GALM: variants seen among roughly 807,000 people sequenced by gnomAD.
GALM encodes the protein galactose mutarotase.
Under a neutral mutation model 37.4 loss-of-function variants are expected in GALM, and 43 were observed. The ratio of observed to expected loss-of-function variants is 1.15; its 90% confidence interval spans 0.90 to 1.48. The LOEUF is 1.48. Among genes scored for constraint, GALM ranks in the 40% most tolerant of loss-of-function variants. The pLI, the probability that GALM is intolerant of heterozygous loss-of-function variation, is 0.00. For missense variants in GALM, 456 were observed against 419.1 expected, an observed-to-expected ratio of 1.09 and a Z score of -0.77; for synonymous variants, 199 against 170.6, an observed-to-expected ratio of 1.17 and a Z score of -1.30.
At chr2:38,726,447 C>T (rs1483043327) in intron 4 of GALM, among the ~76,000 whole-genome samples, 2 of 151,274 alleles carry the variant, frequency 1.3e-5, no homozygotes, top group Non-Finnish European at 2.9e-5. Context: ...GGGATGGTCT[C>T]GATCTCCTGA....
intron 4 of GALM, among the ~76,000 whole-genome samples, chr2:38,705,136 C>G (rs1258680016): frequency 1.3e-5 from 2 of 152,180 alleles, no homozygotes; most frequent in Non-Finnish European, 2.9e-5. Flanking sequence ...AGAGCTCTGA[C>G]CACCACCCTT....
At chr2:38,677,098 C>T (rs2148427518) in intron 2 of GALM, among the ~76,000 whole-genome samples, 1 of 152,360 alleles carries the variant, frequency 6.6e-6, no homozygotes, top group South Asian at 2.1e-4. Flanking sequence ...GATCGAACAG[C>T]TTCTCCCTGG....
intron 4 of GALM, among the ~76,000 whole-genome samples, chr2:38,713,056 C>T (rs1335388688): frequency 6.6e-6 from 1 of 152,146 alleles, no homozygotes; most frequent in Non-Finnish European, 1.5e-5. Context: ...CCCTAGTGCC[C>T]TTCTTGGCTT....
intron 2 of GALM, among the ~76,000 whole-genome samples, chr2:38,678,042 G>A (rs1665303083): frequency 6.8e-6 from 1 of 148,056 alleles, no homozygotes; most frequent in Admixed American, 6.8e-5. Context: ...TTGAGGCAGA[G>A]TTTTGCTTTC....
At chr2:38,716,256 G>A (rs1299787085) in intron 4 of GALM, among the ~76,000 whole-genome samples, 2 of 152,132 alleles carry the variant, frequency 1.3e-5, no homozygotes, top group Admixed American at 6.5e-5. Flanking sequence ...TGCGCCTTTC[G>A]CGTGTCAGAT....
chr2:38,732,247 G>T (rs909405376), intron 6 of GALM, among the ~76,000 whole-genome samples: 1 of 152,160 alleles, frequency 6.6e-6, no homozygotes, highest in Non-Finnish European at 1.5e-5. Context: ...AGTAGAGACA[G>T]GGTTCCACCA....
At chr2:38,681,163 G>C (rs1665384867) in intron 2 of GALM, 117 bp from the exon 3 acceptor site, 2 of 847,844 alleles carry the variant, frequency 2.4e-6, no homozygotes, top group Non-Finnish European at 3.9e-6. Context: ...TCATTAAAAA[G>C]TCTTAATTGA....
chr2:38,674,477 C>G (rs759684404), intron 1 of GALM, among the ~76,000 whole-genome samples: 1 of 152,016 alleles, frequency 6.6e-6, no homozygotes, highest in Admixed American at 6.6e-5. Context: ...CGTGAGCCAC[C>G]GCGCCTGGAC....
chr2:38,701,313 C>A (rs1251930761), intron 4 of GALM, among the ~76,000 whole-genome samples: 1 of 152,044 alleles, frequency 6.6e-6, no homozygotes, highest in Non-Finnish European at 1.5e-5. Context: ...AAGGATGTGT[C>A]TTTAAAGGCA....
At chr2:38,708,140 AAT>A (rs1217340701) in intron 4 of GALM, among the ~76,000 whole-genome samples, 14 of 150,462 alleles carry the variant, frequency 9.3e-5, no homozygotes, top group African/African-American at 3.2e-4. Flanking sequence ...AATAAAATAA[AAT>A]AAAATAAAAA....
chr2:38,698,150 C>A (rs1665848439), intron 4 of GALM, among the ~76,000 whole-genome samples: 1 of 151,986 alleles, frequency 6.6e-6, no homozygotes, highest in African/African-American at 2.4e-5. Flanking sequence ...CACCATATTG[C>A]CCAGGCTGGT....
At chr2:38,691,014 T>C (rs1374001410) in intron 4 of GALM, among the ~76,000 whole-genome samples, 3 of 152,196 alleles carry the variant, frequency 2.0e-5, no homozygotes, top group Non-Finnish European at 4.4e-5. Flanking sequence ...TGTCATCTTG[T>C]GATATTTACA....
At chr2:38,707,360 A>G (rs1474280326) in intron 4 of GALM, among the ~76,000 whole-genome samples, 1 of 151,970 alleles carries the variant, frequency 6.6e-6, no homozygotes, top group Non-Finnish European at 1.5e-5. Flanking sequence ...ACCCTGGGAA[A>G]CTCTAGGAAA....
chr2:38,707,797 A>T (rs994135645), intron 4 of GALM, among the ~76,000 whole-genome samples: 2 of 152,028 alleles, frequency 1.3e-5, no homozygotes, highest in African/African-American at 4.8e-5. Flanking sequence ...GCAAGACCCC[A>T]TCTCTACAAA....
At position 38,734,588 on chromosome 2, in the gene GALM, G is replaced by C. The variant is rs1191854940; in HGVS notation, c.*1023G>C. ...AGCCTTGCCTTTCACAGCACAGTGA[G>C]GATGACATTGCACCAGGGACAGAGA... On this transcript the variant is annotated 3_prime_UTR_variant, in exon 7 of 7. Transcript: ENST00000272252. 1 of 151,550 alleles carries C rather than the reference G, an allele frequency of 6.6e-6. No individual in the cohort carries two copies. The highest frequency in any genetic ancestry group is 1.5e-5 in the Non-Finnish European group (1 of 68,008). The allele number at this position is 151,550 out of a possible 1,614,324, so 9.4% of individuals were successfully genotyped here. A position where few individuals can be genotyped will look rare whatever the true frequency, so the allele number is the denominator to read the frequency against.
chr2:38,690,064 A>C (rs2148435996), intron 4 of GALM, among the ~76,000 whole-genome samples, 170 bp downstream of exon 4: 1 of 152,340 alleles, frequency 6.6e-6, no homozygotes, highest in Admixed American at 6.5e-5. Context: ...GTGTTTATGT[A>C]AAATGTTAGC....
At chr2:38,730,848 G>C (rs761396395) in intron 5 of GALM, among the ~76,000 whole-genome samples, 6 of 151,844 alleles carry the variant, frequency 4.0e-5, no homozygotes, top group African/African-American at 9.7e-5. Context: ...TTGAACCCAG[G>C]GGGTGGAAGT....
intron 2 of GALM, among the ~76,000 whole-genome samples, chr2:38,677,298 A>C (rs1665281279): frequency 6.6e-6 from 1 of 152,184 alleles, no homozygotes; most frequent in African/African-American, 2.4e-5. Flanking sequence ...AGACAGGAAC[A>C]TGTATGGCCA....
chr2:38,718,492 C>T (rs540143001), intron 4 of GALM, among the ~76,000 whole-genome samples: 1 of 152,018 alleles, frequency 6.6e-6, no homozygotes, highest in African/African-American at 2.4e-5. Context: ...AGCCACTGCT[C>T]CCGGCCCAAG....
Sources: gnomAD v4.1 joint callset for allele counts (sites outside exome capture counted in the v4.1 genomes callset) on GRCh38, gnomAD v4.1.1 for gene constraint, MANE v1.5 for transcripts, NCBI Gene and HGNC (gene_info 2026-07-23, HGNC 2026-07-21) for gene names.